The following NAALADL2 variants were observed in gnomAD, a reference collection of about 807,000 sequenced individuals.
The protein encoded by NAALADL2 is inactive N-acetylated-alpha-linked acidic dipeptidase-like protein 2.
Under a neutral mutation model 87.2 loss-of-function variants are expected in NAALADL2, and 76 were observed. That is an observed-to-expected ratio of 0.87 (90% CI 0.72 to 1.05). The LOEUF (loss-of-function observed/expected upper bound fraction) is 1.05, where lower values mean the gene tolerates loss of function less well. Among genes scored for constraint, NAALADL2 ranks in the 50% least tolerant of loss-of-function variants. The pLI is 0.00. For missense variants in NAALADL2, 1,089 were observed against 945.8 expected, an observed-to-expected ratio of 1.15 and a Z score of -1.99; for synonymous variants, 354 against 331.0, an observed-to-expected ratio of 1.07 and a Z score of -0.75.
intron 5 of NAALADL2, among the ~76,000 whole-genome samples, chr3:175,390,629 G>A (rs1437832832): frequency 2.0e-5 from 3 of 152,078 alleles, no homozygotes; most frequent in African/African-American, 7.2e-5. Flanking sequence ...TTGTTGTTGT[G>A]GTTATGCAGC....
chr3:175,089,054 G>A (rs998421406), intron 1 of NAALADL2, among the ~76,000 whole-genome samples: 1 of 152,104 alleles, frequency 6.6e-6, no homozygotes, highest in Non-Finnish European at 1.5e-5. Flanking sequence ...TTGTTAAGAA[G>A]AGACAATAAA....
intron 2 of NAALADL2, among the ~76,000 whole-genome samples, chr3:174,659,217 T>C (rs605114): frequency 0.82 from 125,488 of 152,156 alleles, 52,091 homozygotes; most frequent in African/African-American, 0.92. Flanking sequence ...GGAACTAGTG[T>C]CATTAAAACT....
At chr3:175,744,269 C>G (rs1228199583) in intron 12 of NAALADL2, among the ~76,000 whole-genome samples, 1 of 152,190 alleles carries the variant, frequency 6.6e-6, no homozygotes, top group East Asian at 1.9e-4. Context: ...ACCTCTATAT[C>G]TAGATGAATC....
chr3:175,501,958 A>G (rs760218206), intron 9 of NAALADL2, among the ~76,000 whole-genome samples: 1 of 152,140 alleles, frequency 6.6e-6, no homozygotes, highest in Non-Finnish European at 1.5e-5. Context: ...TCAAGAAGGC[A>G]TGTTAGTCAC....
At chr3:174,870,277 C>G (rs951930962) in intron 1 of NAALADL2, among the ~76,000 whole-genome samples, 1 of 152,118 alleles carries the variant, frequency 6.6e-6, no homozygotes, top group African/African-American at 2.4e-5. Context: ...AAGTACATTT[C>G]ATTACCAACC....
intron 1 of NAALADL2, chr3:174,459,713 T>G (rs1297589136): frequency 1.3e-5 from 2 of 152,198 alleles, no homozygotes; most frequent in African/African-American, 4.8e-5. Flanking sequence ...GTTGCAGTCT[T>G]TGAAATGGGA....
At chr3:174,469,194 A>T (rs1560001752) in intron 1 of NAALADL2, among the ~76,000 whole-genome samples, 1 of 152,024 alleles carries the variant, frequency 6.6e-6, no homozygotes, top group Non-Finnish European at 1.5e-5. Context: ...GCTTGATCAT[A>T]CTACTTCTCC....
chr3:175,732,889 G>C (rs188827986), intron 11 of NAALADL2, among the ~76,000 whole-genome samples: 122 of 149,826 alleles, frequency 8.1e-4, no homozygotes, highest in African/African-American at 2.9e-3. Context: ...AACAACACAC[G>C]CTGGGGTCTG....
At chr3:175,391,258 A>G (rs1418966965) in intron 5 of NAALADL2, among the ~76,000 whole-genome samples, 1 of 152,210 alleles carries the variant, frequency 6.6e-6, no homozygotes, top group Non-Finnish European at 1.5e-5. Context: ...CTTTTCTTCT[A>G]TACTAGAAGG....
intron 1 of NAALADL2, among the ~76,000 whole-genome samples, chr3:174,998,125 T>C (rs1038557455): frequency 1.3e-5 from 2 of 152,218 alleles, no homozygotes; most frequent in African/African-American, 4.8e-5. Context: ...TTTCTATAAT[T>C]ATAATAGCTA....
At chr3:175,786,977 G>C (rs1227653173) in intron 13 of NAALADL2, among the ~76,000 whole-genome samples, 1 of 152,046 alleles carries the variant, frequency 6.6e-6, no homozygotes. Context: ...TGCCATGTGA[G>C]GTGTCAGAGT....
intron 3 of NAALADL2, among the ~76,000 whole-genome samples, chr3:174,754,352 A>G (rs2109049266): frequency 6.6e-6 from 1 of 152,280 alleles, no homozygotes; most frequent in African/African-American, 2.4e-5. Flanking sequence ...TAAATGCATA[A>G]ATTATTTCAC....
At chr3:175,101,644 A>T (rs9859106) in intron 2 of NAALADL2, among the ~76,000 whole-genome samples, 98,003 of 152,168 alleles carry the variant, frequency 0.64, 32,002 homozygotes, top group African/African-American at 0.77. Flanking sequence ...ATCATAAGCA[A>T]ATTTCTGAGC....
At chr3:175,534,935 T>G (rs1268029374) in intron 9 of NAALADL2, among the ~76,000 whole-genome samples, 3 of 152,100 alleles carry the variant, frequency 2.0e-5, no homozygotes, top group Non-Finnish European at 4.4e-5. Flanking sequence ...CTTTAAGGGC[T>G]TCGTCCATAC....
intron 11 of NAALADL2, among the ~76,000 whole-genome samples, chr3:175,635,764 A>G (rs371936177): frequency 6.6e-5 from 10 of 152,116 alleles, no homozygotes; most frequent in African/African-American, 2.4e-4. Flanking sequence ...CTACCTTTCC[A>G]TATCGTTCTT....
chr3:174,901,272 A>G (rs1560342354), intron 1 of NAALADL2, among the ~76,000 whole-genome samples: 1 of 152,332 alleles, frequency 6.6e-6, no homozygotes, highest in East Asian at 1.9e-4. Flanking sequence ...TTCTATGGGG[A>G]ATTTATCAAC....
chr3:174,869,511 ATGAG>A (rs1352625318), intron 1 of NAALADL2, among the ~76,000 whole-genome samples: 21 of 152,216 alleles, frequency 1.4e-4, no homozygotes, highest in African/African-American at 5.1e-4. Context: ...AAGGAAAAAT[ATGAG>A]TGAGTGTAAT....
intron 5 of NAALADL2, among the ~76,000 whole-genome samples, chr3:175,441,045 GT>G (rs5854631): frequency 0.051 from 7,661 of 151,694 alleles, 470 homozygotes; most frequent in East Asian, 0.14. Context: ...AGCAAATACA[GT>G]TTTTTTTCTT....
At chr3:175,355,924 TA>T (rs1399706087) in intron 5 of NAALADL2, among the ~76,000 whole-genome samples, 1 of 152,152 alleles carries the variant, frequency 6.6e-6, no homozygotes, top group Non-Finnish European at 1.5e-5. Flanking sequence ...GGTAGGCAGA[TA>T]ACTAAAATAT....
Sources: gnomAD v4.1 joint callset for allele counts (sites outside exome capture counted in the v4.1 genomes callset) on GRCh38, gnomAD v4.1.1 for gene constraint, MANE v1.5 for transcripts, NCBI Gene and HGNC (gene_info 2026-07-23, HGNC 2026-07-21) for gene names.